Variants in PDE11A observed in about 807,000 individuals in gnomAD.
PDE11A encodes dual 3',5'-cyclic-AMP and -GMP phosphodiesterase 11A.
A neutral mutation model predicts 100.5 loss-of-function variants in PDE11A; 100 were observed. That is an observed-to-expected ratio of 1.00 (90% CI 0.85 to 1.18). The LOEUF is 1.18. PDE11A is among the 50% of genes most tolerant of loss of function. PDE11A has a pLI of 0.00. For synonymous variants in PDE11A, 381 were observed against 420.8 expected (o/e 0.91, Z 1.16); for missense variants, 1,141 against 1,152.6 (o/e 0.99, Z 0.15).
intron 19 of PDE11A, among the ~76,000 whole-genome samples, chr2:177,659,863 G>A (rs966261475): frequency 6.6e-6 from 1 of 152,078 alleles, no homozygotes; most frequent in African/African-American, 2.4e-5. Flanking sequence ...GAAAGTGCAG[G>A]AATCAGATGT....
At chr2:178,047,146 C>CA (rs1559053438) in intron 1 of PDE11A, among the ~76,000 whole-genome samples, 3 of 151,852 alleles carry the variant, frequency 2.0e-5, no homozygotes, top group Non-Finnish European at 4.4e-5. Context: ...CAAACTTGGA[C>CA]CCAGATAATT....
At chr2:177,859,428 T>G (rs1030173459) in intron 5 of PDE11A, among the ~76,000 whole-genome samples, 2 of 151,592 alleles carry the variant, frequency 1.3e-5, no homozygotes, top group Non-Finnish European at 2.9e-5. Context: ...AAATAACAAT[T>G]ATAAATAAGC....
chr2:177,814,419 C>T (rs564870846), intron 9 of PDE11A, among the ~76,000 whole-genome samples: 2 of 152,206 alleles, frequency 1.3e-5, no homozygotes, highest in East Asian at 3.9e-4. Flanking sequence ...TACTCTTGCA[C>T]ATGGATTCCT....
intron 2 of PDE11A, among the ~76,000 whole-genome samples, chr2:177,963,397 G>A (rs182502014): frequency 2.0e-4 from 30 of 152,244 alleles, no homozygotes; most frequent in Admixed American, 2.0e-3. Context: ...CCTCCATGGA[G>A]AATTATGAGA....
At chr2:178,027,718 C>A (rs1197045479) in intron 1 of PDE11A, among the ~76,000 whole-genome samples, 1 of 151,976 alleles carries the variant, frequency 6.6e-6, no homozygotes, top group Non-Finnish European at 1.5e-5. Context: ...GGTGGTATTG[C>A]CTGAAAATCA....
intron 5 of PDE11A, among the ~76,000 whole-genome samples, chr2:177,853,942 ATATATC>A (rs1416866663): frequency 6.7e-6 from 1 of 148,190 alleles, no homozygotes; most frequent in Non-Finnish European, 1.5e-5. Flanking sequence ...ATGTGTGTAT[ATATATC>A]TATATATATG....
intron 19 of PDE11A, among the ~76,000 whole-genome samples, chr2:177,634,389 TC>T (rs68053995): frequency 0.044 from 403 of 9,094 alleles, 41 homozygotes; most frequent in East Asian, 0.24. Context: ...TTTCTCTCTC[TC>T]TTTTTTTTTT....
intron 2 of PDE11A, 85 bp from the exon 3 acceptor site, chr2:177,905,272 T>C (rs529952068): frequency 2.1e-5 from 15 of 722,490 alleles, no homozygotes; most frequent in South Asian, 1.7e-4. Flanking sequence ...TTCTTCTATA[T>C]GCCTGATTGT....
intron 2 of PDE11A, among the ~76,000 whole-genome samples, chr2:177,928,872 T>A (rs74267476): frequency 0.025 from 3,696 of 147,162 alleles, 108 homozygotes; most frequent in East Asian, 0.081. Flanking sequence ...CAAAAAAAAA[T>A]AAATACATAA....
chr2:177,728,358 T>C (rs2081634122), intron 10 of PDE11A, among the ~76,000 whole-genome samples, 186 bp from the exon 11 acceptor site: 1 of 97,820 alleles, frequency 1.0e-5, no homozygotes. Context: ...CCCAAGCAAA[T>C]GAAGGTGGGG....
intron 1 of PDE11A, among the ~76,000 whole-genome samples, chr2:178,060,572 A>G (rs552686991): frequency 1.3e-5 from 2 of 152,294 alleles, no homozygotes; most frequent in East Asian, 3.9e-4. Flanking sequence ...GCAACTAGAG[A>G]GGTAAAATAT....
chr2:178,066,954 T>C (rs2087054819), intron 1 of PDE11A, among the ~76,000 whole-genome samples: 1 of 152,158 alleles, frequency 6.6e-6, no homozygotes, highest in Admixed American at 6.5e-5. Context: ...TGCACTAGGC[T>C]CCACAGATTA....
intron 9 of PDE11A, among the ~76,000 whole-genome samples, chr2:177,810,641 G>C (rs1256613902): frequency 6.8e-6 from 1 of 146,596 alleles, no homozygotes; most frequent in Non-Finnish European, 1.5e-5. Context: ...TAATACTCTT[G>C]AGAAGAGAAA....
intron 2 of PDE11A, among the ~76,000 whole-genome samples, chr2:177,921,479 A>G (rs897210973): frequency 3.3e-5 from 5 of 149,914 alleles, no homozygotes; most frequent in Non-Finnish European, 7.4e-5. Flanking sequence ...AGCAAAAAAA[A>G]AAAAAGAAAA....
rs186505880 is a variant in PDE11A at position 177,905,275 on chromosome 2, C to T, written c.1072-88G>A. ...TAAATTGCACACTTCTTCTATATGCCTGATTGTAATACTTTATTTGCATCT... is the reference window on the plus strand; with the variant it reads ...TAAATTGCACACTTCTTCTATATGCTTGATTGTAATACTTTATTTGCATCT... On this transcript the variant is annotated intron_variant, in intron 2 of 19. Transcript: ENST00000286063. 2,377 of 716,352 alleles carry T rather than the reference C, an allele frequency of 3.3e-3. 29 individuals are homozygous for T. The highest frequency in any genetic ancestry group is 2.3e-3 in the Non-Finnish European group (890 of 393,026). 44.4% of individuals were successfully genotyped at this position (716,352 alleles called of 1,614,324 possible).
At chr2:178,093,177 G>A (rs1053549419) in intron 2 of PDE11A, among the ~76,000 whole-genome samples, 2 of 152,156 alleles carry the variant, frequency 1.3e-5, no homozygotes, top group African/African-American at 2.4e-5. Context: ...AGAAACAGTC[G>A]CATACTGTTT....
At chr2:177,675,611 T>G (rs1388465956) in intron 16 of PDE11A, 93 bp from the exon 17 acceptor site, 1 of 941,666 alleles carries the variant, frequency 1.1e-6, no homozygotes, top group South Asian at 1.4e-5. Context: ...TAAAATAAAA[T>G]GGAAACGAGG....
intron 14 of PDE11A, 40 bp downstream of exon 14, chr2:177,701,081 G>A (rs1406288815): frequency 1.9e-6 from 2 of 1,078,752 alleles, no homozygotes; most frequent in Middle Eastern, 2.0e-4. Context: ...GAGTTGTTTT[G>A]GTTTCTGTTA....
At chr2:177,955,930 A>G (rs963405250) in intron 2 of PDE11A, among the ~76,000 whole-genome samples, 1 of 152,158 alleles carries the variant, frequency 6.6e-6, no homozygotes, top group African/African-American at 2.4e-5. Context: ...TAAAGACTTA[A>G]ATGTTAGACC....
Sources: allele counts gnomAD v4.1 joint callset (sites outside exome capture counted in the v4.1 genomes callset), GRCh38; gene constraint gnomAD v4.1.1; transcripts MANE v1.5; gene names NCBI Gene and HGNC (gene_info 2026-07-23, HGNC 2026-07-21).